The following PHF20 variants were observed in gnomAD, a reference collection of about 807,000 sequenced individuals.
The protein encoded by PHF20 is PHD finger protein 20, also known as glioma-expressed antigen 2.
A neutral mutation model predicts 113.5 loss-of-function variants in PHF20; 23 were observed. The observed-to-expected ratio is 0.20, with a 90% CI of 0.15 to 0.29. PHF20 has a LOEUF of 0.29. Ranked by LOEUF, PHF20 falls within the 10% of genes least tolerant of loss-of-function variation. PHF20 has a pLI of 1.00. For missense variants in PHF20, 943 were observed against 1,219.6 expected, an observed-to-expected ratio of 0.77 and a Z score of 3.38; for synonymous variants, 434 against 457.3, an observed-to-expected ratio of 0.95 and a Z score of 0.65.
At chr20:35,836,771 G>A (rs28516862) in intron 2 of PHF20, among the ~76,000 whole-genome samples, 2 of 149,938 alleles carry the variant, frequency 1.3e-5, no homozygotes, top group Non-Finnish European at 1.5e-5. Flanking sequence ...GTGAACCCCC[G>A]GCGGGGCAGA....
At position 35,914,158 on chromosome 20, in the gene PHF20, C is replaced by T; in HGVS notation, c.1786C>T (p.Pro596Ser). ...CCATATGAGCCCGCAGCTTCATGGC[C>T]CAGAATCTGGACACCACAAAGGGAA... ...GVHMSPQLHG[P>S]ESGHHKGKVK... The change falls in exon 12 of 18, where the codon CCA (proline) becomes TCA (serine). Residue 596 changes from proline (P) to serine (S), a missense_variant. This residue lies in a region of PHF20 where 592 missense variants were observed against 787.2 expected (regional missense o/e 0.75). Coordinates refer to ENST00000374012, the MANE Select transcript of PHF20 (RefSeq NM_016436.5). The T allele has an allele frequency of 1.2e-6, 2 of 1,614,042 alleles. No homozygotes were observed. The highest frequency in any genetic ancestry group is 8.5e-7 in the Non-Finnish European group (1 of 1,180,022).
At chr20:35,914,278 G>A (rs1568757022) in intron 12 of PHF20, 81 bp downstream of exon 12, 2 of 1,395,992 alleles carry the variant, frequency 1.4e-6, no homozygotes, top group Non-Finnish European at 2.0e-6. Context: ...TTATGGGTTT[G>A]GTTCTAGGCC....
At chr20:35,861,400 GTATT>G (rs1047111199) in intron 5 of PHF20, among the ~76,000 whole-genome samples, 15 of 152,152 alleles carry the variant, frequency 9.9e-5, no homozygotes, top group East Asian at 3.9e-4. Flanking sequence ...GTACGTGTGT[GTATT>G]TATTTATTTT....
At chr20:35,920,776 G>A (rs538517753) in intron 13 of PHF20, among the ~76,000 whole-genome samples, 1 of 152,308 alleles carries the variant, frequency 6.6e-6, no homozygotes, top group South Asian at 2.1e-4. Context: ...GGCTGAGGGA[G>A]AGTCTTGTCT....
chr20:35,894,496 C>T (rs890821368), intron 9 of PHF20, among the ~76,000 whole-genome samples: 2 of 152,156 alleles, frequency 1.3e-5, no homozygotes, highest in South Asian at 2.1e-4. Context: ...TGTACTATAC[C>T]ATACTGCCTC....
chr20:35,940,828 C>G, intron 16 of PHF20, 36 bp from the exon 17 acceptor site: 1 of 1,571,104 alleles, frequency 6.4e-7, no homozygotes, highest in Non-Finnish European at 8.7e-7. Context: ...CAGGGGCTAT[C>G]TCCATTCAGT....
chr20:35,853,092 C>T (rs1394924323), intron 4 of PHF20, among the ~76,000 whole-genome samples: 2 of 150,106 alleles, frequency 1.3e-5, no homozygotes, highest in African/African-American at 2.4e-5. Flanking sequence ...CTTGGTGGCG[C>T]GCACCTGTAA....
At chr20:35,786,592 C>T (rs1222051866) in intron 1 of PHF20, among the ~76,000 whole-genome samples, 2 of 152,058 alleles carry the variant, frequency 1.3e-5, no homozygotes, top group African/African-American at 4.8e-5. Flanking sequence ...GTTTCAACTA[C>T]TTGGGAGGCT....
At position 35,902,774 on chromosome 20, in the gene PHF20, A is replaced by G. The variant is rs1321168102; in HGVS notation, c.1561+3126A>G. Among the ~76,000 whole-genome samples the G allele has an allele frequency of 2.0e-5, 3 of 152,230 alleles. No homozygotes were observed. In the East Asian group the frequency reaches 5.8e-4, roughly 29 times the overall value. ...TTTTCCCATCTGTGAAATAGAGATA[A>G]TAGTACTACCTACCTCATAACTTTG... On this transcript the variant is annotated intron_variant, in intron 10 of 17. Coordinates refer to ENST00000374012, the MANE Select transcript of PHF20 (RefSeq NM_016436.5).
chr20:35,855,165 C>T, intron 4 of PHF20: 1 of 691,978 alleles, frequency 1.4e-6, no homozygotes, highest in Non-Finnish European at 2.0e-6. Flanking sequence ...CCAGACTTGC[C>T]AGAGTTGCAC....
chr20:35,854,548 G>A (rs575281791), intron 4 of PHF20, among the ~76,000 whole-genome samples: 7 of 152,320 alleles, frequency 4.6e-5, no homozygotes, highest in Middle Eastern at 3.4e-3. Context: ...GGGCCTCTCT[G>A]TTGTCCATTA....
intron 2 of PHF20, among the ~76,000 whole-genome samples, chr20:35,821,214 C>T (rs549598393): frequency 1.3e-5 from 2 of 151,624 alleles, no homozygotes; most frequent in Admixed American, 6.6e-5. Flanking sequence ...TTTGGGAGGC[C>T]GAGGTGGGTG....
At chr20:35,927,951 C>G (rs2055675131) in intron 14 of PHF20, 72 bp downstream of exon 14, 3 of 1,052,796 alleles carry the variant, frequency 2.8e-6, no homozygotes, top group South Asian at 1.3e-5. Flanking sequence ...GTGACACATT[C>G]TAAATGTCTG....
At chr20:35,905,893 T>C (rs1390845251) in intron 10 of PHF20, among the ~76,000 whole-genome samples, 3 of 152,252 alleles carry the variant, frequency 2.0e-5, no homozygotes, top group Non-Finnish European at 4.4e-5. Flanking sequence ...GCCAAGCCTT[T>C]AGTTGCAAAA....
chr20:35,867,956 T>A (rs1170932685), intron 6 of PHF20, among the ~76,000 whole-genome samples: 2 of 152,120 alleles, frequency 1.3e-5, no homozygotes, highest in East Asian at 1.9e-4. Context: ...TCAATTCTCA[T>A]CTTTTCTGAT....
Position 35,919,470 on chromosome 20 carries a change from G to A in PHF20, c.2004+1808G>A, listed in dbSNP as rs2055471256. ...TTCTCCTGCCTCAGCCCCCTGAGTA[G>A]CTGGGACTATAGGCGCCTGCCACCA... On this transcript the variant is annotated intron_variant, in intron 13 of 17. Transcript: ENST00000374012. Among the ~76,000 whole-genome samples the A allele has an allele frequency of 2.0e-5, 3 of 151,856 alleles. No individual in the cohort carries two copies. The South Asian group carries it at 6.2e-4, about 32-fold the overall frequency.
chr20:35,813,295 A>C (rs1303297445), intron 2 of PHF20, among the ~76,000 whole-genome samples: 2 of 152,254 alleles, frequency 1.3e-5, no homozygotes, highest in East Asian at 3.9e-4. Context: ...TTTAAAGTGC[A>C]CTTAGGAATA....
intron 13 of PHF20, among the ~76,000 whole-genome samples, chr20:35,927,568 A>T (rs6058368): frequency 6.6e-6 from 1 of 152,118 alleles, no homozygotes; most frequent in Non-Finnish European, 1.5e-5. Flanking sequence ...GTTAATTTCA[A>T]TGTAGAGCCA....
At chr20:35,835,915 A>T (rs539306492) in intron 2 of PHF20, among the ~76,000 whole-genome samples, 2 of 152,296 alleles carry the variant, frequency 1.3e-5, no homozygotes, top group African/African-American at 4.8e-5. Flanking sequence ...GGGCAACAGC[A>T]TGAGACTTCA....
Sources: gnomAD v4.1 joint callset for allele counts (sites outside exome capture counted in the v4.1 genomes callset) on GRCh38, gnomAD v4.1.1 for gene constraint, gnomAD v4.1.1 regional missense constraint, MANE v1.5 for transcripts, NCBI Gene and HGNC (gene_info 2026-07-23, HGNC 2026-07-21) for gene names.